The following DRC9 variants were observed in gnomAD, a reference collection of about 807,000 sequenced individuals.
DRC9 encodes dynein regulatory complex protein 9.
the DRC9 span, among the ~76,000 whole-genome samples, chr3:197,900,713 C>T: frequency 2.0e-5 from 3 of 152,132 alleles, no homozygotes; most frequent in Admixed American, 6.5e-5. This position sits in a 1 kb window ranked among gnomAD's most constrained non-coding sequence, Gnocchi z 4.7. Context: ...CCAGCTCAGC[C>T]GCAGTAGAAT....
the DRC9 span, among the ~76,000 whole-genome samples, chr3:197,944,903 G>A: frequency 6.6e-6 from 1 of 152,200 alleles, no homozygotes; most frequent in Non-Finnish European, 1.5e-5. Context: ...AAGGTATGTA[G>A]TTCATGCAAT....
chr3:197,933,653 A>G, the DRC9 span, among the ~76,000 whole-genome samples: 3 of 152,096 alleles, frequency 2.0e-5, no homozygotes, highest in African/African-American at 7.2e-5. Flanking sequence ...CATGTGTCAG[A>G]TATATCTGAA....
At chr3:197,929,426 A>C in the DRC9 span, among the ~76,000 whole-genome samples, 5 of 152,302 alleles carry the variant, frequency 3.3e-5, no homozygotes, top group East Asian at 9.6e-4. This position sits in a 1 kb window ranked among gnomAD's most constrained non-coding sequence, Gnocchi z 4.6. Context: ...CTTCACTCTT[A>C]AATACAAACG....
chr3:197,913,498 G>A, the DRC9 span: 1 of 332,010 alleles, frequency 3.0e-6, no homozygotes, highest in Non-Finnish European at 5.7e-6. Context: ...ATTTCTTACT[G>A]GAGGAGTGAA....
the DRC9 span, among the ~76,000 whole-genome samples, chr3:197,936,991 T>C: frequency 5.9e-5 from 9 of 152,330 alleles, 1 homozygote; most frequent in South Asian, 1.0e-3. Context: ...AAGAGGCACG[T>C]AGTAAATATT....
chr3:197,925,885 T>C, the DRC9 span: 2 of 655,620 alleles, frequency 3.1e-6, no homozygotes, highest in Non-Finnish European at 5.6e-6. Context: ...TGCCCGGCTA[T>C]GTTTTCAATA....
chr3:197,944,743 C>T, the DRC9 span, among the ~76,000 whole-genome samples: 27 of 150,920 alleles, frequency 1.8e-4, no homozygotes, highest in East Asian at 4.1e-3. Context: ...CCACCGCGCC[C>T]GGCCAGTTTG....
chr3:197,892,731 A>T, the DRC9 span: 1 of 1,614,046 alleles, frequency 6.2e-7, no homozygotes, highest in African/African-American at 1.3e-5. Context: ...GTATTTCTCC[A>T]TCCAGAACTC....
chr3:197,955,204 G>T, the DRC9 span, among the ~76,000 whole-genome samples: 2 of 152,134 alleles, frequency 1.3e-5, no homozygotes, highest in African/African-American at 4.8e-5. Flanking sequence ...TTTATCAACA[G>T]AGGAGGCTTT....
chr3:197,952,835 A>AC, the DRC9 span, among the ~76,000 whole-genome samples: 4 of 146,946 alleles, frequency 2.7e-5, no homozygotes, highest in African/African-American at 1.0e-4. Context: ...TATGCTGTAG[A>AC]CTTTTTTTTT....
At chr3:197,916,570 C>T in the DRC9 span, 1 of 152,424 alleles carries the variant, frequency 6.6e-6, no homozygotes, top group Non-Finnish European at 1.5e-5. Flanking sequence ...GCAGGAGCCA[C>T]TGCTGCAGCC....
At chr3:197,959,770 T>C in the DRC9 span, 1 of 157,160 alleles carries the variant, frequency 6.4e-6, no homozygotes, top group South Asian at 1.8e-4. Context: ...TAGATTTTTA[T>C]AGGAAATGGC....
chr3:197,934,083 T>G, the DRC9 span, among the ~76,000 whole-genome samples: 2 of 151,840 alleles, frequency 1.3e-5, no homozygotes, highest in Non-Finnish European at 1.5e-5. Flanking sequence ...TCTGCATCTA[T>G]TGATCTTTCT....
the DRC9 span, among the ~76,000 whole-genome samples, chr3:197,927,954 T>C: frequency 5.4e-5 from 8 of 147,542 alleles, no homozygotes; most frequent in African/African-American, 2.0e-4. Context: ...CTGGGGCCTG[T>C]TGTGGGGTGG....
the DRC9 span, chr3:197,950,398 T>A: frequency 9.0e-7 from 1 of 1,108,120 alleles, no homozygotes; most frequent in Non-Finnish European, 1.1e-6. Context: ...TTTGGTCCCC[T>A]GACACCCGGA....
At chr3:197,910,590 T>G in the DRC9 span, among the ~76,000 whole-genome samples, 1 of 152,240 alleles carries the variant, frequency 6.6e-6, no homozygotes, top group Non-Finnish European at 1.5e-5. Flanking sequence ...TTTGGAATCC[T>G]TGACTGAAAA....
the DRC9 span, among the ~76,000 whole-genome samples, chr3:197,938,371 CT>C: frequency 6.6e-6 from 1 of 151,678 alleles, no homozygotes; most frequent in South Asian, 2.1e-4. Flanking sequence ...AGCTGCCTTG[CT>C]TTCCATTCAT....
At chr3:197,938,086 C>T in the DRC9 span, among the ~76,000 whole-genome samples, 2 of 151,978 alleles carry the variant, frequency 1.3e-5, no homozygotes, top group Admixed American at 6.6e-5. Context: ...GAGGCCGAGG[C>T]GGGTGGATCA....
At chr3:197,942,341 G>A in the DRC9 span, among the ~76,000 whole-genome samples, 4 of 116,812 alleles carry the variant, frequency 3.4e-5, no homozygotes, top group African/African-American at 1.0e-4. Context: ...CCAAGATCGC[G>A]CCACTGCACT....
Sources: allele counts gnomAD v4.1 joint callset (sites outside exome capture counted in the v4.1 genomes callset), GRCh38; gene constraint gnomAD v4.1.1; non-coding constraint Gnocchi (gnomAD v3.1); transcripts MANE v1.5; gene names NCBI Gene and HGNC (gene_info 2026-07-23, HGNC 2026-07-21).